The following ZFHX3 variants were observed in gnomAD, a reference collection of about 807,000 sequenced individuals.
ZFHX3 encodes zinc finger homeobox 3, also known as zinc finger homeobox protein 3.
Under a neutral mutation model 279.1 loss-of-function variants are expected in ZFHX3, and 42 were observed. The ratio of observed to expected loss-of-function variants is 0.15; its 90% CI spans 0.12 to 0.19. The LOEUF is 0.19. Among genes scored for constraint, ZFHX3 ranks in the 10% least tolerant of loss-of-function variants. The probability of loss-of-function intolerance (pLI) is 1.00; values close to 1 mark genes in which losing one functional copy is unlikely to be tolerated. For synonymous variants in ZFHX3, 2,293 were observed against 1,957.8 expected (o/e 1.17, Z -4.52); for missense variants, 4,981 against 4,754.0 (o/e 1.05, Z -1.40).
At chr16:73,255,558 C>G (rs2013638920) in intron 5 of ZFHX3, among the ~76,000 whole-genome samples, 1 of 152,182 alleles carries the variant, frequency 6.6e-6, no homozygotes, top group Admixed American at 6.5e-5. Flanking sequence ...GGCTCCAATT[C>G]CCTTTATTTG....
chr16:72,934,269 A>G (rs1959991855), intron 3 of ZFHX3, among the ~76,000 whole-genome samples: 1 of 152,122 alleles, frequency 6.6e-6, no homozygotes, highest in Non-Finnish European at 1.5e-5. Flanking sequence ...TGTTAAAAAT[A>G]CAAAAAAAGT....
At chr16:72,919,679 C>A (rs534509345) in intron 3 of ZFHX3, among the ~76,000 whole-genome samples, 1 of 149,734 alleles carries the variant, frequency 6.7e-6, no homozygotes, top group South Asian at 2.1e-4. Flanking sequence ...CTAAAATATA[C>A]CTCCAATTTT....
At chr16:73,737,171 T>A (rs1332808918) in intron 1 of ZFHX3, among the ~76,000 whole-genome samples, 2 of 152,124 alleles carry the variant, frequency 1.3e-5, no homozygotes, top group Non-Finnish European at 2.9e-5. Context: ...GTAGCTGGGA[T>A]TACAGGCACA....
chr16:73,507,471 A>T (rs1194721038), intron 2 of ZFHX3, among the ~76,000 whole-genome samples: 1 of 145,658 alleles, frequency 6.9e-6, no homozygotes, highest in Non-Finnish European at 1.5e-5. Context: ...AATGCGTGAA[A>T]TTCAGCTCTG....
At chr16:72,902,675 C>T (rs1451080222) in intron 3 of ZFHX3, among the ~76,000 whole-genome samples, 2 of 152,142 alleles carry the variant, frequency 1.3e-5, no homozygotes, top group Non-Finnish European at 2.9e-5. Context: ...TGGGCCTGAG[C>T]GCAAAGACCT....
intron 4 of ZFHX3, among the ~76,000 whole-genome samples, chr16:72,838,346 G>C (rs1484000784): frequency 0.022 from 1 of 46 alleles, no homozygotes; most frequent in Non-Finnish European, 0.036. Context: ...GGGAGGGCCA[G>C]GCTGCAGCTG....
intron 2 of ZFHX3, among the ~76,000 whole-genome samples, chr16:73,656,437 C>A (rs1366720062): frequency 6.6e-6 from 1 of 152,170 alleles, no homozygotes; most frequent in Admixed American, 6.5e-5. Context: ...TTTAAAGCAA[C>A]ACAAGGAAAT....
chr16:72,824,027 C>T (rs998847403), intron 5 of ZFHX3, among the ~76,000 whole-genome samples: 2 of 152,132 alleles, frequency 1.3e-5, no homozygotes, highest in African/African-American at 4.8e-5. Flanking sequence ...GTTCCCCATA[C>T]AAAGGCATCT....
At chr16:73,068,020 C>T (rs1260593677) in intron 8 of ZFHX3, among the ~76,000 whole-genome samples, 1 of 152,144 alleles carries the variant, frequency 6.6e-6, no homozygotes, top group African/African-American at 2.4e-5. Flanking sequence ...TCCTACCTCC[C>T]TAGAGAGCCC....
At chr16:73,035,581 C>T (rs1194015218) in intron 1 of ZFHX3, among the ~76,000 whole-genome samples, 4 of 152,164 alleles carry the variant, frequency 2.6e-5, no homozygotes, top group Admixed American at 6.5e-5. Context: ...GGACCCACAG[C>T]GTGCTTTTAA....
Position 73,180,240 on chromosome 16 carries a change from G to C in ZFHX3, c.-1103-36409C>G, listed in dbSNP as rs565545141. On this transcript the variant is annotated intron_variant, in intron 5 of 17. Coordinates refer to the ZFHX3 transcript ENST00000641206. ...ACGAAACGCAGGCTTGCTGTACACA[G>C]ATCCAAATATTTGTAGGGAAAATTT... Among the ~76,000 whole-genome samples the C allele has an allele frequency of 5.3e-5, 8 of 152,296 alleles. No individual in the cohort carries two copies. The South Asian group carries it at 1.7e-3, about 32-fold the overall frequency.
At chr16:73,756,331 T>G (rs917357561) in intron 1 of ZFHX3, among the ~76,000 whole-genome samples, 3 of 152,192 alleles carry the variant, frequency 2.0e-5, no homozygotes, top group Admixed American at 6.5e-5. Flanking sequence ...CTGATAGGCC[T>G]AATCCGGTAA....
Position 73,864,721 on chromosome 16 carries a change from A to ATCAG in ZFHX3, c.-1608+26929_-1608+26930insCTGA, listed in dbSNP as rs200517254. ...GACAACAGAGCAAGACTCTGTCTCA[A>ATCAG]TCAATCAATCAATCAATAATAAAGA... On this transcript the variant is annotated intron_variant, in intron 1 of 17. Transcript: ENST00000641206. Among the ~76,000 whole-genome samples, 125 of 152,282 alleles carry ATCAG rather than the reference A, an allele frequency of 8.2e-4. 1 individual carries two copies. Among genetic ancestry groups the ATCAG allele is most frequent in the African/African-American group, 2.7e-3 (113 of 41,542 alleles).
intron 1 of ZFHX3, among the ~76,000 whole-genome samples, chr16:73,002,810 C>G (rs1425801304): frequency 6.6e-6 from 1 of 152,220 alleles, no homozygotes; most frequent in Non-Finnish European, 1.5e-5. Context: ...CAGGCCAGTG[C>G]TATTTAAGTG....
intron 3 of ZFHX3, chr16:73,400,452 C>A (rs1199140111): frequency 6.6e-6 from 1 of 152,172 alleles, no homozygotes; most frequent in Admixed American, 6.5e-5. Flanking sequence ...GCAAGTAGAT[C>A]TGTGGCAAAC....
intron 5 of ZFHX3, among the ~76,000 whole-genome samples, chr16:73,207,939 T>C (rs1428452085): frequency 3.3e-5 from 5 of 152,160 alleles, no homozygotes; most frequent in Non-Finnish European, 5.9e-5. Context: ...GTCTCAGCTT[T>C]TCTACTTCTG....
chr16:73,141,884 C>A (rs1022721611), intron 6 of ZFHX3, among the ~76,000 whole-genome samples: 2 of 152,142 alleles, frequency 1.3e-5, no homozygotes, highest in East Asian at 1.9e-4. Context: ...GTGTCTGGAG[C>A]AGATTTGCAA....
At chr16:73,479,901 G>A (rs989029968) in intron 2 of ZFHX3, among the ~76,000 whole-genome samples, 1 of 152,124 alleles carries the variant, frequency 6.6e-6, no homozygotes, top group African/African-American at 2.4e-5. Flanking sequence ...ATGCCTATTA[G>A]TAACCCCCGT....
chr16:73,361,868 G>A (rs1039409879), intron 3 of ZFHX3, among the ~76,000 whole-genome samples: 1 of 152,150 alleles, frequency 6.6e-6, no homozygotes. Flanking sequence ...ACGTGGTACA[G>A]TTTGGCCAAT....
Sources: allele counts gnomAD v4.1 joint callset (sites outside exome capture counted in the v4.1 genomes callset), GRCh38; gene constraint gnomAD v4.1.1; transcripts MANE v1.5; gene names NCBI Gene and HGNC (gene_info 2026-07-23, HGNC 2026-07-21).